PATJ: variants seen among roughly 807,000 people sequenced by gnomAD.
PATJ encodes inaD-like protein.
A neutral mutation model predicts 224.9 loss-of-function variants in PATJ; 190 were observed. The observed-to-expected ratio is 0.84, with a 90% CI of 0.75 to 0.95. The LOEUF is 0.95. PATJ is among the 40% of genes least tolerant of loss of function. PATJ has a pLI of 0.00. For synonymous variants in PATJ, 769 were observed against 820.3 expected (o/e 0.94, Z 1.07); for missense variants, 2,121 against 2,270.3 (o/e 0.93, Z 1.34).
At chr1:61,893,624 G>A (rs1279545524) in intron 22 of PATJ, among the ~76,000 whole-genome samples, 1 of 151,244 alleles carries the variant, frequency 6.6e-6, no homozygotes, top group African/African-American at 2.4e-5. Context: ...AACATAATGA[G>A]ACCCCGTATC....
intron 31 of PATJ, among the ~76,000 whole-genome samples, chr1:62,056,401 GT>G (rs1273194728): frequency 3.3e-5 from 5 of 152,182 alleles, no homozygotes; most frequent in Admixed American, 6.5e-5. Flanking sequence ...AGTGGCTCCA[GT>G]TTGTAATCCC....
intron 20 of PATJ, among the ~76,000 whole-genome samples, chr1:61,870,023 T>C (rs183176383): frequency 6.6e-6 from 1 of 152,336 alleles, no homozygotes. Flanking sequence ...AACAGTTCAG[T>C]GAGCCCTCTG....
At position 62,132,683 on chromosome 1, in the gene PATJ, G is replaced by A. The variant is rs148888484; in HGVS notation, c.5271+3738G>A. On this transcript the variant is annotated intron_variant, in intron 41 of 43. Transcript: ENST00000642238. ...TTTGGGAGGTCGAGGCTGGCAGATC[G>A]CTTGAGCCCAGAAGTTTGAGACCAG... Among the ~76,000 whole-genome samples, 121 of 152,136 alleles carry A rather than the reference G, an allele frequency of 8.0e-4. 3 individuals are homozygous for A. The East Asian group carries it at 0.018, about 22-fold the overall frequency.
chr1:61,963,160 C>G (rs193034271), intron 27 of PATJ, among the ~76,000 whole-genome samples: 404 of 152,262 alleles, frequency 2.7e-3, no homozygotes, highest in African/African-American at 9.4e-3. Context: ...TAAAGATCAG[C>G]ATATAACTTT....
intron 25 of PATJ, among the ~76,000 whole-genome samples, chr1:61,912,353 G>A (rs552433173): frequency 3.0e-4 from 45 of 152,108 alleles, no homozygotes; most frequent in African/African-American, 1.1e-3. Flanking sequence ...CAGCACTTTC[G>A]GAGGCTGAGG....
At chr1:62,125,256 A>AAAC (rs1665583529) in intron 39 of PATJ, among the ~76,000 whole-genome samples, 1 of 111,250 alleles carries the variant, frequency 9.0e-6, no homozygotes, top group Non-Finnish European at 1.9e-5. Context: ...AAAAAAAACA[A>AAAC]AAAAAAACAA....
At chr1:61,833,275 A>G (rs1413776094) in intron 16 of PATJ, 1 of 153,434 alleles carries the variant, frequency 6.5e-6, no homozygotes, top group African/African-American at 2.4e-5. Flanking sequence ...CTACTTACGT[A>G]TCTTATAAGC....
At chr1:62,106,129 T>C (rs1319652609) in intron 33 of PATJ, among the ~76,000 whole-genome samples, 2 of 64,798 alleles carry the variant, frequency 3.1e-5, no homozygotes, top group African/African-American at 5.2e-5. Context: ...CAAACACACA[T>C]ATATACATGT....
chr1:61,954,193 A>C (rs755899033), intron 27 of PATJ, among the ~76,000 whole-genome samples: 1 of 152,220 alleles, frequency 6.6e-6, no homozygotes, highest in African/African-American at 2.4e-5. Flanking sequence ...ATTTAACTCC[A>C]AAGTATTTTA....
chr1:61,823,089 A>G lies in PATJ; in HGVS notation c.1818+10A>G, dbSNP rs1423455079. The G allele has an allele frequency of 1.9e-6, 3 of 1,613,552 alleles. No individual in the cohort carries two copies. The highest frequency in any genetic ancestry group is 1.3e-5 in the African/African-American group (1 of 74,906). ...AGATGAGCTGCTTGAGGTAAAATTT[A>G]TGGGGAAAGAAAGACACAGGCAAGA... is the stretch of plus-strand genomic sequence containing the variant. On this transcript the variant is annotated intron_variant, in intron 15 of 43. Coordinates refer to ENST00000642238, the MANE Select transcript of PATJ (RefSeq NM_001350145.3).
chr1:61,808,600 A>G (rs933593846), intron 14 of PATJ, 70 bp downstream of exon 14: 6 of 991,988 alleles, frequency 6.0e-6, no homozygotes, highest in Non-Finnish European at 7.9e-6. Context: ...TATGTTGTCC[A>G]GGTTGGTCTC....
chr1:62,113,066 C>G (rs1446972898), intron 34 of PATJ, among the ~76,000 whole-genome samples: 1 of 152,158 alleles, frequency 6.6e-6, no homozygotes, highest in African/African-American at 2.4e-5. Context: ...TAAGGACTAG[C>G]ACACAAGCAC....
chr1:62,020,976 C>T (rs140118348), intron 29 of PATJ, among the ~76,000 whole-genome samples: 1,686 of 152,094 alleles, frequency 0.011, 25 homozygotes, highest in South Asian at 0.064. Context: ...CAGGTGTGTA[C>T]CACCAGGCCC....
At chr1:61,789,254 T>G (rs544020089) in intron 8 of PATJ, among the ~76,000 whole-genome samples, 1 of 151,710 alleles carries the variant, frequency 6.6e-6, no homozygotes, top group South Asian at 2.1e-4. Context: ...TGCAGTGAGC[T>G]GAGATTGCAC....
At chr1:61,773,948 A>C (rs554244594) in intron 6 of PATJ, among the ~76,000 whole-genome samples, 1 of 151,420 alleles carries the variant, frequency 6.6e-6, no homozygotes, top group African/African-American at 2.4e-5. Context: ...GTGAAACCCC[A>C]TCTCTACTAA....
intron 17 of PATJ, among the ~76,000 whole-genome samples, chr1:61,837,291 A>G (rs1660327571): frequency 6.6e-6 from 1 of 152,240 alleles, no homozygotes; most frequent in African/African-American, 2.4e-5. Context: ...ATGGCACCAC[A>G]CTATAATGTT....
intron 27 of PATJ, among the ~76,000 whole-genome samples, chr1:61,932,640 C>T (rs1302009137): frequency 2.0e-5 from 3 of 152,238 alleles, no homozygotes; most frequent in Non-Finnish European, 4.4e-5. Flanking sequence ...GGGCTCACCC[C>T]TGTAATCCCA....
At chr1:61,841,450 C>T (rs545797879) in intron 17 of PATJ, among the ~76,000 whole-genome samples, 12 of 152,176 alleles carry the variant, frequency 7.9e-5, no homozygotes, top group South Asian at 6.2e-4. Flanking sequence ...AGAGTGGTAA[C>T]ACTATAAAGT....
At chr1:61,754,517 C>CT in intron 1 of PATJ, among the ~76,000 whole-genome samples, 1 of 119,162 alleles carries the variant, frequency 8.4e-6, no homozygotes, top group African/African-American at 3.0e-5. Context: ...TAATTTTTTG[C>CT]ATGTTTTTTT....
Sources: gnomAD v4.1 joint callset for allele counts (sites outside exome capture counted in the v4.1 genomes callset) on GRCh38, gnomAD v4.1.1 for gene constraint, MANE v1.5 for transcripts, NCBI Gene and HGNC (gene_info 2026-07-23, HGNC 2026-07-21) for gene names.